The following TRIM37 variants were observed in gnomAD, a reference collection of about 807,000 sequenced individuals.
TRIM37 encodes E3 ubiquitin-protein ligase TRIM37.
Under a neutral mutation model 129.8 loss-of-function variants are expected in TRIM37, and 80 were observed. That is an observed-to-expected ratio of 0.62 (90% CI 0.51 to 0.74). The LOEUF (loss-of-function observed/expected upper bound fraction) is 0.74. Among genes scored for constraint, TRIM37 ranks in the 30% least tolerant of loss-of-function variants. The pLI, the probability that TRIM37 is intolerant of heterozygous loss-of-function variation, is 0.00. For synonymous variants in TRIM37, 389 were observed against 387.1 expected (o/e 1.00, Z -0.06); for missense variants, 1,054 against 1,176.5 (o/e 0.90, Z 1.52).
chr17:59,016,057 T>C (rs923733763), intron 20 of TRIM37, among the ~76,000 whole-genome samples: 3 of 152,070 alleles, frequency 2.0e-5, no homozygotes, highest in Non-Finnish European at 2.9e-5. Flanking sequence ...CTCAGTTACA[T>C]TAGAAAATCT....
chr17:58,968,016 A>C, the TRIM37 span, among the ~76,000 whole-genome samples: 1 of 151,890 alleles, frequency 6.6e-6, no homozygotes, highest in African/African-American at 2.4e-5. Flanking sequence ...GTTGGCCAGG[A>C]TGGTCTTGAT....
chr17:58,997,323 G>T (rs1172654800), downstream of TRIM37, among the ~76,000 whole-genome samples: 1 of 152,024 alleles, frequency 6.6e-6, no homozygotes, highest in Admixed American at 6.6e-5. Flanking sequence ...TAAAAAAAAA[G>T]AATAATCTTT....
intron 19 of TRIM37, among the ~76,000 whole-genome samples, chr17:59,026,699 T>C (rs528980414): frequency 5.9e-5 from 9 of 152,286 alleles, no homozygotes; most frequent in African/African-American, 2.2e-4. Flanking sequence ...ACCCACTTCA[T>C]TGTGAAACTT....
intron 24 of TRIM37, among the ~76,000 whole-genome samples, chr17:58,989,228 G>A (rs1193847547): frequency 6.6e-6 from 1 of 152,146 alleles, no homozygotes; most frequent in Non-Finnish European, 1.5e-5. Flanking sequence ...CTGAGGTCAT[G>A]AGTTCGAGAC....
chr17:59,052,528 G>A (rs1232825270), intron 13 of TRIM37, among the ~76,000 whole-genome samples: 1 of 152,136 alleles, frequency 6.6e-6, no homozygotes, highest in Non-Finnish European at 1.5e-5. Flanking sequence ...ATGCAAGAAA[G>A]GACAGAACAT....
At chr17:59,083,231 T>C (rs2043457041) in intron 5 of TRIM37, among the ~76,000 whole-genome samples, 1 of 152,036 alleles carries the variant, frequency 6.6e-6, no homozygotes, top group Admixed American at 6.6e-5. Flanking sequence ...AGGTCAGCAG[T>C]TCAAGACCAG....
chr17:59,058,869 G>C (rs144916522), intron 12 of TRIM37, among the ~76,000 whole-genome samples: 15 of 152,060 alleles, frequency 9.9e-5, no homozygotes, highest in African/African-American at 3.4e-4. Context: ...GTCTCAAAAA[G>C]AAAAGAAGTA....
intron 13 of TRIM37, 122 bp from the exon 14 acceptor site, chr17:59,051,450 C>T: frequency 1.4e-6 from 1 of 719,054 alleles, no homozygotes; most frequent in South Asian, 1.5e-5. Flanking sequence ...AAACTTAGAG[C>T]TGCTAGTATT....
chr17:58,985,628 G>A (rs1052229076), intron 24 of TRIM37, among the ~76,000 whole-genome samples: 10 of 152,172 alleles, frequency 6.6e-5, no homozygotes, highest in African/African-American at 2.4e-4. Flanking sequence ...GTGAGTAAAA[G>A]GAGACAGAGA....
intron 7 of TRIM37, among the ~76,000 whole-genome samples, 199 bp downstream of exon 7, chr17:59,079,555 C>T (rs1162691847): frequency 6.6e-6 from 1 of 152,188 alleles, no homozygotes; most frequent in Non-Finnish European, 1.5e-5. Context: ...CTTGGATTTT[C>T]ATCCAAATGG....
chr17:59,106,314 C>T (rs1212446612), intron 1 of TRIM37, 127 bp downstream of exon 1: 1 of 1,143,806 alleles, frequency 8.7e-7, no homozygotes, highest in Non-Finnish European at 1.3e-6. Context: ...CGGGCCAGCC[C>T]TCTCCACAGC....
the TRIM37 span, among the ~76,000 whole-genome samples, chr17:58,968,330 C>T: frequency 5.9e-5 from 9 of 152,064 alleles, no homozygotes; most frequent in Non-Finnish European, 1.0e-4. Context: ...GAGGCTGAGG[C>T]GGGATGATCC....
At chr17:58,978,510 A>T (rs968098180), downstream of TRIM37, among the ~76,000 whole-genome samples, 1 of 152,104 alleles carries the variant, frequency 6.6e-6, no homozygotes, top group Non-Finnish European at 1.5e-5. Flanking sequence ...CAGGAGTTCG[A>T]CGCCAGCCTG....
chr17:59,006,900 T>TA (rs2034555657), intron 22 of TRIM37, among the ~76,000 whole-genome samples: 1 of 151,122 alleles, frequency 6.6e-6, no homozygotes, highest in African/African-American at 2.4e-5. Flanking sequence ...AAAAAATAAA[T>TA]AAATAAATAA....
rs770045121 is a variant in TRIM37, at chr17:59,028,380, G to A, written c.2257+35C>T. On this transcript the variant is annotated intron_variant, in intron 19 of 23. Coordinates refer to ENST00000262294, the MANE Select transcript of TRIM37 (RefSeq NM_015294.6). ...CCAGTCATCTAGTTTCCCAAATAAC[G>A]TGTGGAGAAATGACACTGGGAACAT... 5.0e-6 allele frequency: 8 copies of A among 1,589,644 alleles called. No individual in the cohort carries two copies. In the African/African-American group the frequency reaches 8.0e-5, roughly 16 times the overall value.
At chr17:59,081,263 T>C in intron 5 of TRIM37, 44 bp from the exon 6 acceptor site, 2 of 1,600,138 alleles carry the variant, frequency 1.2e-6, no homozygotes, top group Non-Finnish European at 8.5e-7. Context: ...ACATATCTCA[T>C]CTGCATTTAC....
At chr17:59,004,938 AC>A (rs1018503480) in intron 22 of TRIM37, among the ~76,000 whole-genome samples, 45 of 152,210 alleles carry the variant, frequency 3.0e-4, no homozygotes, top group African/African-American at 1.0e-3. Context: ...AAACAAAAAA[AC>A]AAACTTTCCT....
chr17:59,008,414 GA>G (rs1252213238), intron 22 of TRIM37, among the ~76,000 whole-genome samples: 1 of 152,164 alleles, frequency 6.6e-6, no homozygotes, highest in African/African-American at 2.4e-5. Flanking sequence ...CAAAGACTTG[GA>G]AAATGTACCG....
chr17:58,974,999 C>T, the TRIM37 span, among the ~76,000 whole-genome samples: 3 of 152,112 alleles, frequency 2.0e-5, no homozygotes, highest in African/African-American at 7.2e-5. Flanking sequence ...CTAAAATATA[C>T]CCTTATATGG....
Sources: gnomAD v4.1 joint callset for allele counts (sites outside exome capture counted in the v4.1 genomes callset) on GRCh38, gnomAD v4.1.1 for gene constraint, MANE v1.5 for transcripts, NCBI Gene and HGNC (gene_info 2026-07-23, HGNC 2026-07-21) for gene names.